The following DPP6 variants were observed in gnomAD, a reference collection of about 807,000 sequenced individuals.
DPP6 encodes the protein A-type potassium channel modulatory protein DPP6.
Under a neutral mutation model 122.6 loss-of-function variants are expected in DPP6, and 69 were observed. The ratio of observed to expected loss-of-function variants is 0.56; its 90% confidence interval spans 0.46 to 0.69. The LOEUF is 0.69. Among genes scored for constraint, DPP6 ranks in the 30% least tolerant of loss-of-function variants. DPP6 has a pLI of 0.00. For synonymous variants in DPP6, 418 were observed against 433.1 expected (o/e 0.97, Z 0.43); for missense variants, 928 against 1,116.9 (o/e 0.83, Z 2.41).
At chr7:153,757,408 C>A in the DPP6 span, among the ~76,000 whole-genome samples, 2 of 152,168 alleles carry the variant, frequency 1.3e-5, no homozygotes, top group African/African-American at 2.4e-5. Context: ...TTCACTGGGG[C>A]CTCGTGGAAA....
At chr7:154,794,276 AGTC>A in intron 11 of DPP6, 74 bp downstream of exon 11, 1 of 1,479,172 alleles carries the variant, frequency 6.8e-7, no homozygotes, top group Non-Finnish European at 9.0e-7. Context: ...GTGGCGCCAG[AGTC>A]GTCTCAGCCC....
intron 1 of DPP6, among the ~76,000 whole-genome samples, chr7:154,042,436 A>G (rs1227480571): frequency 2.0e-5 from 3 of 152,212 alleles, no homozygotes; most frequent in Non-Finnish European, 4.4e-5. Context: ...GGAAAACAAC[A>G]ACAAAAACCT....
At chr7:154,186,210 A>G (rs1798345250) in intron 1 of DPP6, among the ~76,000 whole-genome samples, 1 of 152,202 alleles carries the variant, frequency 6.6e-6, no homozygotes, top group Non-Finnish European at 1.5e-5. Context: ...ATCTGATTAA[A>G]TGTGTTGAGT....
chr7:153,884,228 T>A (rs1405104686), upstream of DPP6, among the ~76,000 whole-genome samples: 2 of 152,316 alleles, frequency 1.3e-5, no homozygotes, highest in African/African-American at 4.8e-5. Flanking sequence ...TTCTCATTGT[T>A]CAGTTCCCAC....
chr7:153,954,786 GTC>G (rs1414988694), intron 1 of DPP6, among the ~76,000 whole-genome samples: 1 of 152,142 alleles, frequency 6.6e-6, no homozygotes, highest in Non-Finnish European at 1.5e-5. Context: ...CAACCTGTTG[GTC>G]TCTCCCATGC....
intron 1 of DPP6, among the ~76,000 whole-genome samples, chr7:154,322,869 A>G (rs1164615412): frequency 6.6e-6 from 1 of 152,202 alleles, no homozygotes; most frequent in African/African-American, 2.4e-5. Flanking sequence ...CTGTACTTAT[A>G]TCACACAACC....
the DPP6 span, among the ~76,000 whole-genome samples, chr7:153,809,784 C>T: frequency 2.0e-5 from 3 of 148,912 alleles, no homozygotes; most frequent in Non-Finnish European, 4.5e-5. Context: ...CTCTGAGCCT[C>T]ACTTTCTCAC....
intron 3 of DPP6, among the ~76,000 whole-genome samples, chr7:154,523,359 G>A (rs1197714762): frequency 1.3e-5 from 2 of 152,054 alleles, no homozygotes; most frequent in Non-Finnish European, 2.9e-5. Flanking sequence ...TCCTCCATCA[G>A]TTCTTTTTTT....
intron 1 of DPP6, among the ~76,000 whole-genome samples, chr7:154,433,526 C>T (rs954439536): frequency 6.6e-6 from 1 of 151,906 alleles, no homozygotes; most frequent in African/African-American, 2.4e-5. Flanking sequence ...AAACGTTCTC[C>T]CACCCTGTCC....
intron 1 of DPP6, among the ~76,000 whole-genome samples, chr7:154,115,701 G>C (rs1251808107): frequency 6.6e-6 from 1 of 152,150 alleles, no homozygotes; most frequent in East Asian, 1.9e-4. Flanking sequence ...GTGTTATACA[G>C]CCTATAGGGT....
In DPP6 at chr7:154,508,878, A is replaced by G. The variant is rs1014543198; in HGVS notation, c.458-31654A>G. ...TATAATCTGGTAATGTGGCATAAAA[A>G]TGAATGTTAATATCTTTTTTTACAA... On this transcript the variant is annotated intron_variant, in intron 3 of 25. Coordinates refer to ENST00000377770, the MANE Select transcript of DPP6 (RefSeq NM_130797.4). 3.9e-5 allele frequency among the ~76,000 whole-genome samples: 6 copies of G among 152,232 alleles called. 1 individual carries two copies. Among genetic ancestry groups the G allele is most frequent in the African/African-American group, 1.4e-4 (6 of 41,454 alleles).
chr7:154,174,625 C>A, intron 1 of DPP6, among the ~76,000 whole-genome samples: 1 of 152,214 alleles, frequency 6.6e-6, no homozygotes, highest in Non-Finnish European at 1.5e-5. Context: ...TTAGAATTTT[C>A]TTTTTATCAC....
At chr7:154,478,610 A>C (rs1457734273) in intron 3 of DPP6, among the ~76,000 whole-genome samples, 1 of 152,174 alleles carries the variant, frequency 6.6e-6, no homozygotes, top group Non-Finnish European at 1.5e-5. Context: ...CATTTTACAG[A>C]TGAAGAAACT....
At chr7:154,555,081 T>C (rs576357285) in intron 4 of DPP6, among the ~76,000 whole-genome samples, 1 of 152,192 alleles carries the variant, frequency 6.6e-6, no homozygotes, top group African/African-American at 2.4e-5. Context: ...ACCATTTCAA[T>C]TATAGCCAGG....
chr7:153,823,634 C>T, the DPP6 span, among the ~76,000 whole-genome samples: 13 of 147,858 alleles, frequency 8.8e-5, no homozygotes, highest in Non-Finnish European at 1.5e-5. Flanking sequence ...GACGGATATA[C>T]TCCCCGGGGA....
At chr7:154,700,121 A>T (rs764903422) in intron 7 of DPP6, among the ~76,000 whole-genome samples, 1 of 152,128 alleles carries the variant, frequency 6.6e-6, no homozygotes, top group African/African-American at 2.4e-5. Flanking sequence ...TACTATGTGA[A>T]TGTAAAATAA....
At chr7:154,376,394 C>G (rs182059795) in intron 1 of DPP6, among the ~76,000 whole-genome samples, 129 of 152,322 alleles carry the variant, frequency 8.5e-4, no homozygotes, top group African/African-American at 3.0e-3. Context: ...TGCCATTTTC[C>G]TACCCCTGTG....
chr7:154,037,671 G>A (rs1474889155), intron 1 of DPP6, among the ~76,000 whole-genome samples: 1 of 114,626 alleles, frequency 8.7e-6, no homozygotes, highest in Non-Finnish European at 1.8e-5. Context: ...TATCCCAAGT[G>A]TCATTTTGCA....
the DPP6 span, among the ~76,000 whole-genome samples, chr7:153,837,428 C>T: frequency 6.6e-6 from 1 of 152,194 alleles, no homozygotes; most frequent in East Asian, 1.9e-4. Context: ...GCCCAGACAG[C>T]TTAAATACCT....
Sources: gnomAD v4.1 joint callset for allele counts (sites outside exome capture counted in the v4.1 genomes callset) on GRCh38, gnomAD v4.1.1 for gene constraint, MANE v1.5 for transcripts, NCBI Gene and HGNC (gene_info 2026-07-23, HGNC 2026-07-21) for gene names.